MACROH2A1: variants seen among roughly 807,000 people sequenced by gnomAD.
MACROH2A1 encodes core histone macro-H2A.1.
MACROH2A1 carries 2 observed loss-of-function variants against 31.6 expected under a neutral mutation model. That is an observed-to-expected ratio of 0.06 (90% confidence interval 0.03 to 0.20). The LOEUF is 0.20. MACROH2A1 is among the 10% of genes least tolerant of loss of function. The pLI is 1.00. For synonymous variants in MACROH2A1, 169 were observed against 189.6 expected (o/e 0.89, Z 0.89); for missense variants, 230 against 474.0 (o/e 0.49, Z 4.78).
At chr5:135,382,551 A>G (rs989687941) in intron 2 of MACROH2A1, among the ~76,000 whole-genome samples, 6 of 152,150 alleles carry the variant, frequency 3.9e-5, no homozygotes, top group Non-Finnish European at 5.9e-5. Context: ...AATCCTAGAT[A>G]ACATAGGAGA....
chr5:135,370,802 A>G (rs1764088503), intron 2 of MACROH2A1, among the ~76,000 whole-genome samples: 2 of 152,360 alleles, frequency 1.3e-5, no homozygotes, highest in South Asian at 4.1e-4. Flanking sequence ...TTCTTTTAAT[A>G]AAAGCTAGGA....
At chr5:135,380,555 G>A (rs2149906876) in intron 2 of MACROH2A1, among the ~76,000 whole-genome samples, 1 of 152,258 alleles carries the variant, frequency 6.6e-6, no homozygotes, top group Non-Finnish European at 1.5e-5. Flanking sequence ...ATCCCAGGGA[G>A]CGCAGCCTCA....
intron 4 of MACROH2A1, among the ~76,000 whole-genome samples, chr5:135,364,946 T>C (rs919175225): frequency 1.3e-5 from 2 of 152,176 alleles, no homozygotes; most frequent in Admixed American, 6.5e-5. Flanking sequence ...CAAGCCTATA[T>C]TTATGATCTA....
intron 6 of MACROH2A1, among the ~76,000 whole-genome samples, chr5:135,349,808 G>A (rs1211589730): frequency 6.6e-6 from 1 of 152,142 alleles, no homozygotes; most frequent in Non-Finnish European, 1.5e-5. Context: ...CCTTACAGCA[G>A]GCACCAATCA....
chr5:135,345,629 G>C (rs1269024932), intron 7 of MACROH2A1: 1 of 207,530 alleles, frequency 4.8e-6, no homozygotes, highest in African/African-American at 2.3e-5. Context: ...TTTTTAATTT[G>C]TATCTCTCAC....
At chr5:135,395,979 A>C (rs1341650794) in intron 1 of MACROH2A1, among the ~76,000 whole-genome samples, 1 of 152,254 alleles carries the variant, frequency 6.6e-6, no homozygotes, top group Non-Finnish European at 1.5e-5. Flanking sequence ...AGGAAGAAAC[A>C]AAACACAAAC....
At chr5:135,344,356 G>A (rs1337181443) in intron 7 of MACROH2A1, 5 of 152,182 alleles carry the variant, frequency 3.3e-5, no homozygotes, top group Non-Finnish European at 4.4e-5. Context: ...TTTGTATTTG[G>A]TTGGCTATTT....
In MACROH2A1 at chr5:135,398,286, C is replaced by G. The variant is rs1407956930; in HGVS notation, c.-34+776G>C. On this transcript the variant is annotated intron_variant, in intron 1 of 8. Transcript: ENST00000511689. The surrounding 1 kb of genome is among the most constrained non-coding windows in gnomAD (Gnocchi z 4.6). ...TGCACACTCACCTCCCCACTCCACC[C>G]CACCCCCAGCGAGGCTCTTTCCTGC... Among the ~76,000 whole-genome samples the G allele has an allele frequency of 6.6e-6, 1 of 152,180 alleles. No individual in the cohort carries two copies. The highest frequency in any genetic ancestry group is 1.5e-5 in the Non-Finnish European group (1 of 68,020).
chr5:135,399,657 A>G (rs1042650113), upstream of MACROH2A1: 2 of 151,726 alleles, frequency 1.3e-5, no homozygotes, highest in Non-Finnish European at 2.9e-5. The surrounding 1 kb of genome is among the most constrained non-coding windows in gnomAD (Gnocchi z 4.5). Context: ...AGTCAATGCC[A>G]ACTCCCCCCT....
In MACROH2A1 at chr5:135,359,739, T is replaced by C. The variant is rs1008924733; in HGVS notation, c.588+758A>G. The C allele has an allele frequency of 3.1e-6, 3 of 964,552 alleles. No individual in the cohort carries two copies. In the African/African-American group the frequency reaches 5.3e-5, roughly 17 times the overall value. 59.7% of individuals were successfully genotyped at this position (964,552 alleles called of 1,614,324 possible). On this transcript the variant is annotated intron_variant, in intron 5 of 8. Coordinates refer to ENST00000511689, the MANE Select transcript of MACROH2A1 (RefSeq NM_138610.3). ...AGATTAACTTGGAACGTCAAATTCATTCCTTTAATTCTTTAAGTATAGGAT... is the reference window on the plus strand; with the variant it reads ...AGATTAACTTGGAACGTCAAATTCACTCCTTTAATTCTTTAAGTATAGGAT...
rs557469170 is a variant in MACROH2A1, at chr5:135,360,378, C to CT, written c.588+118dup. On this transcript the variant is annotated intron_variant, in intron 5 of 8. Coordinates refer to ENST00000511689, the MANE Select transcript of MACROH2A1 (RefSeq NM_138610.3). ...CCACTCCCAAAGCTCACAGCCCACT[C>CT]TGTCTACCCACGAGGCTGGGAGTGG... 224 of 691,756 alleles carry CT rather than the reference C, an allele frequency of 3.2e-4. 1 individual carries two copies. The highest frequency in any genetic ancestry group is 3.2e-3 in the African/African-American group (183 of 56,844). The allele number at this position is 691,756 out of a possible 1,614,324, so 42.9% of individuals were successfully genotyped here. A position where few individuals can be genotyped will look rare whatever the true frequency, so the allele number is the denominator to read the frequency against.
At chr5:135,357,280 G>A (rs1762288954) in intron 5 of MACROH2A1, 1 of 152,240 alleles carries the variant, frequency 6.6e-6, no homozygotes, top group Non-Finnish European at 1.5e-5. Flanking sequence ...TCATGGCTTT[G>A]TCAGTTTCCT....
intron 4 of MACROH2A1, among the ~76,000 whole-genome samples, chr5:135,366,908 G>A (rs1763574408): frequency 6.6e-6 from 1 of 152,200 alleles, no homozygotes; most frequent in Non-Finnish European, 1.5e-5. Flanking sequence ...AAGTAGAGAG[G>A]AGCCCTAGTG....
chr5:135,357,340 T>C (rs2149792081), intron 5 of MACROH2A1: 1 of 152,362 alleles, frequency 6.6e-6, no homozygotes, highest in Middle Eastern at 3.4e-3. Flanking sequence ...AAGGGGTGAA[T>C]GGTTTTTCTC....
At chr5:135,363,348 C>T (rs1474186171) in intron 4 of MACROH2A1, among the ~76,000 whole-genome samples, 1 of 152,210 alleles carries the variant, frequency 6.6e-6, no homozygotes, top group East Asian at 1.9e-4. Flanking sequence ...CTGCCTTTTC[C>T]CTTCAAGGTA....
At chr5:135,347,568 T>A (rs539993351) in intron 6 of MACROH2A1, 1 of 152,286 alleles carries the variant, frequency 6.6e-6, no homozygotes, top group Non-Finnish European at 1.5e-5. Context: ...CTGTTGCTGC[T>A]GCATGTTTCT....
intron 2 of MACROH2A1, among the ~76,000 whole-genome samples, chr5:135,374,095 G>A (rs1764541173): frequency 1.3e-5 from 2 of 152,116 alleles, no homozygotes; most frequent in African/African-American, 2.4e-5. Context: ...GAGGGTGCCC[G>A]ACTTAACAAA....
chr5:135,388,145 A>G (rs976104151), intron 2 of MACROH2A1, among the ~76,000 whole-genome samples: 1 of 152,028 alleles, frequency 6.6e-6, no homozygotes, highest in African/African-American at 2.4e-5. Context: ...TTAAATCACT[A>G]TTTTATAACC....
At position 135,379,478 on chromosome 5, in the gene MACROH2A1, G is replaced by A. The variant is rs55664811; in HGVS notation, c.173-9336C>T. Reference sequence around the variant, plus strand: ...CTTCTTGGCAACCAGAACTGGAAGAGGGTGGTGGGAAGAGACGGAGGCTGA... The same window carrying A: ...CTTCTTGGCAACCAGAACTGGAAGAAGGTGGTGGGAAGAGACGGAGGCTGA... On this transcript the variant is annotated intron_variant, in intron 2 of 8. Transcript: ENST00000511689. Among the ~76,000 whole-genome samples the A allele has an allele frequency of 2.6e-3, 401 of 152,310 alleles. 1 individual carries two copies. Among genetic ancestry groups the A allele is most frequent in the African/African-American group, 9.1e-3 (379 of 41,552 alleles).
Sources: gnomAD v4.1 joint callset for allele counts (sites outside exome capture counted in the v4.1 genomes callset) on GRCh38, gnomAD v4.1.1 for gene constraint, Gnocchi (gnomAD v3.1) non-coding constraint, MANE v1.5 for transcripts, NCBI Gene and HGNC (gene_info 2026-07-23, HGNC 2026-07-21) for gene names.